Variants in SPIB observed in about 807,000 individuals in gnomAD.
The protein encoded by SPIB is Spi-B transcription factor, also known as transcription factor Spi-B.
In SPIB, 7 loss-of-function variants were observed where a neutral mutation model predicts 31.9. That is an observed-to-expected ratio of 0.22 (90% CI 0.12 to 0.41). The LOEUF is 0.41. SPIB is among the 10% of genes least tolerant of loss of function. SPIB has a pLI of 1.00. For synonymous variants in SPIB, 176 were observed against 158.9 expected (o/e 1.11, Z -0.81); for missense variants, 327 against 360.2 (o/e 0.91, Z 0.75).
Position 50,419,935 on chromosome 19 carries a change from T to C in SPIB, c.24-11T>C, listed in dbSNP as rs1186868554. 8 of 1,536,198 alleles carry C rather than the reference T, an allele frequency of 5.2e-6. No homozygotes were observed. Among genetic ancestry groups the C allele is most frequent in the Admixed American group, 4.4e-5 (2 of 45,938 alleles). On this transcript the variant is annotated splice_polypyrimidine_tract_variant and intron_variant, in intron 1 of 5. Transcript: ENST00000595883. ...CAGCCTCAGCATGCCCCTGTGTCTC[T>C]CCCCCTCCAGGCTCGACGGGCCACA... is the stretch of plus-strand genomic sequence containing the variant.
In SPIB at chr19:50,428,423, A is replaced by G; in HGVS notation, c.*87A>G. 1.5e-6 allele frequency: 2 copies of G among 1,372,582 alleles called. No homozygotes were observed. Among genetic ancestry groups the G allele is most frequent in the Admixed American group, 2.7e-5 (1 of 36,434 alleles). The allele number at this position is 1,372,582 out of a possible 1,614,324, so 85.0% of individuals were successfully genotyped here. On this transcript the variant is annotated 3_prime_UTR_variant, in exon 6 of 6. Transcript: ENST00000595883. This position sits in a 1 kb window ranked among gnomAD's most constrained non-coding sequence, Gnocchi z 6.5. The stretch of plus-strand genomic sequence containing the variant: ...CCTGGAAGAAAAAGGGCGTCCCCAC[A>G]CTCTAGGTGATAGGACTTACGCATC...
At chr19:50,420,784 T>C (rs892715613) in intron 2 of SPIB, among the ~76,000 whole-genome samples, 15 of 152,130 alleles carry the variant, frequency 9.9e-5, no homozygotes, top group Non-Finnish European at 1.5e-4. Context: ...TGTGCCACCA[T>C]GCCCAGCTAA....
At chr19:50,419,185 T>C (rs928910018) in intron 1 of SPIB, among the ~76,000 whole-genome samples, 200 bp downstream of exon 1, 8 of 152,124 alleles carry the variant, frequency 5.3e-5, no homozygotes, top group Admixed American at 4.6e-4. Context: ...TTCCTATCTT[T>C]CCTGGTCCCC....
intron 1 of SPIB, 186 bp from the exon 2 acceptor site, chr19:50,419,760 C>T: frequency 2.0e-6 from 1 of 505,798 alleles, no homozygotes; most frequent in East Asian, 3.5e-5. Flanking sequence ...TTTGCCTCCC[C>T]CCCACCCCCC....
intron 5 of SPIB, among the ~76,000 whole-genome samples, chr19:50,426,717 A>C (rs918434904): frequency 3.9e-4 from 59 of 151,404 alleles, no homozygotes; most frequent in African/African-American, 1.3e-3. Flanking sequence ...CTTGTCTCGA[A>C]CTCCTGACCT....
Position 50,430,831 on chromosome 19 carries a change from C to G in SPIB, c.*2495C>G. The G allele has an allele frequency of 6.6e-6, 1 of 152,228 alleles. No homozygotes were observed. The highest frequency in any genetic ancestry group is 1.9e-4 in the East Asian group (1 of 5,174). The allele number at this position is 152,228 out of a possible 1,614,324, so 9.4% of individuals were successfully genotyped here. On this transcript the variant is annotated 3_prime_UTR_variant, in exon 6 of 6. Transcript: ENST00000595883. Reference sequence around the variant, plus strand: ...CAGGAGGAGGAGGAGGAAGGAATGCCAATGACCTAGAGACACGAGAAGTCC... The same window carrying G: ...CAGGAGGAGGAGGAGGAAGGAATGCGAATGACCTAGAGACACGAGAAGTCC...
chr19:50,427,858 G>GCCC (rs1198149448), intron 5 of SPIB, among the ~76,000 whole-genome samples, 180 bp from the exon 6 acceptor site: 8 of 56,632 alleles, frequency 1.4e-4, no homozygotes, highest in African/African-American at 2.5e-4. Context: ...GGAGTGGCTT[G>GCCC]CCCCCCCCCC....
Position 50,428,198 on chromosome 19 carries a change from G to C in SPIB, c.651G>C (p.Gly217=). The part of the protein sequence containing the change: ...LLARRWGQQK[G]NRKRMTYQKL... ...CGCGCCGCTGGGGCCAGCAGAAGGG[G>C]AACCGCAAGCGCATGACCTACCAGA... is the stretch of plus-strand genomic sequence containing the variant. Residue 217 remains glycine, a synonymous_variant, in exon 6 of 6, where the codon GGG becomes GGC. Transcript: ENST00000595883. The surrounding 1 kb of genome is among the most constrained non-coding windows in gnomAD (Gnocchi z 6.5). 6.3e-7 allele frequency: 1 copy of C among 1,589,440 alleles called. No individual in the cohort carries two copies. The highest frequency in any genetic ancestry group is 1.1e-5 in the South Asian group (1 of 87,464).
Position 50,426,314 on chromosome 19 carries a change from C to T in SPIB, c.491-1724C>T, listed in dbSNP as rs1292928940. Among the ~76,000 whole-genome samples the T allele has an allele frequency of 2.0e-5, 3 of 152,050 alleles. No homozygotes were observed. In the East Asian group the frequency reaches 5.8e-4, roughly 29 times the overall value. ...GGGGTCACTGAGGCATCTGCACAGT[C>T]CATGCAGGGCCGTCAAGTAGGCTGT... On this transcript the variant is annotated intron_variant, in intron 5 of 5. Transcript: ENST00000595883.
At chr19:50,425,758 A>T (rs1318408786) in intron 5 of SPIB, among the ~76,000 whole-genome samples, 1 of 152,194 alleles carries the variant, frequency 6.6e-6, no homozygotes, top group Non-Finnish European at 1.5e-5. Flanking sequence ...AAATTATTTT[A>T]TGGCTTATAG....
chr19:50,419,018 T>G (rs2039446560), intron 1 of SPIB, 33 bp downstream of exon 1: 2 of 1,550,118 alleles, frequency 1.3e-6, no homozygotes, highest in South Asian at 1.2e-5. Context: ...GCACCCGGGG[T>G]CCCCACCTGC....
At position 50,423,010 on chromosome 19, in the gene SPIB, A is replaced by G. The variant is rs752065882; in HGVS notation, c.312A>G (p.Ala104=). 3 of 1,509,376 alleles carry G rather than the reference A, an allele frequency of 2.0e-6. No homozygotes were observed. The highest frequency in any genetic ancestry group is 2.7e-6 in the Non-Finnish European group (3 of 1,120,152). The allele number at this position is 1,509,376 out of a possible 1,614,324, so 93.5% of individuals were successfully genotyped here. A position where few individuals can be genotyped will look rare whatever the true frequency, so the allele number is the denominator to read the frequency against. ...SLEAPGPGLP[A]YPTENFASQT... Reference sequence around the variant, plus strand: ...AGGCCCCGGGGCCTGGCCTCCCTGCATACCCCACGGAGAACTTCGCTAGCC... The same window carrying G: ...AGGCCCCGGGGCCTGGCCTCCCTGCGTACCCCACGGAGAACTTCGCTAGCC... Residue 104 remains alanine (A), a synonymous_variant, in exon 4 of 6, where the codon GCA becomes GCG. Transcript: ENST00000595883.
At chr19:50,420,689 A>AGTGGAGT (rs2039483920) in intron 2 of SPIB, among the ~76,000 whole-genome samples, 3 of 152,202 alleles carry the variant, frequency 2.0e-5, no homozygotes, top group South Asian at 4.2e-4. Flanking sequence ...GTGCAGTGGC[A>AGTGGAGT]GCGTCTTGGC....
chr19:50,422,902 T>A lies in SPIB; in HGVS notation c.204T>A (p.Phe68Leu). 3 of 1,610,044 alleles carry A rather than the reference T, an allele frequency of 1.9e-6. No individual in the cohort carries two copies. The highest frequency in any genetic ancestry group is 2.5e-6 in the Non-Finnish European group (3 of 1,177,758). Reference protein sequence around the residue: ...YEAFDPAAAAFSHPQAAQLCY... With the variant: ...YEAFDPAAAALSHPQAAQLCY... Reference sequence around the variant, plus strand: ...CCTTCGACCCGGCAGCAGCCGCTTTTAGCCACCCCCAGGCTGCCCAGCTCT... The same window carrying A: ...CCTTCGACCCGGCAGCAGCCGCTTTAAGCCACCCCCAGGCTGCCCAGCTCT... The change falls in exon 4 of 6, where the codon TTT becomes TTA. Residue 68 changes from phenylalanine (F) to leucine (L), a missense_variant. This residue lies in a region of SPIB where 238 missense variants were observed against 228.8 expected (regional missense o/e 1.04). Transcript: ENST00000595883.
intron 5 of SPIB, among the ~76,000 whole-genome samples, chr19:50,425,956 C>A (rs2039560298): frequency 6.6e-6 from 1 of 152,104 alleles, no homozygotes; most frequent in South Asian, 2.1e-4. Context: ...TGCCTATAAT[C>A]CCAGCACTTT....
Position 50,422,820 on chromosome 19 carries a change from C to T in SPIB, c.125-3C>T. The T allele has an allele frequency of 2.6e-6, 4 of 1,548,940 alleles. No individual in the cohort carries two copies. Among genetic ancestry groups the T allele is most frequent in the Non-Finnish European group, 3.5e-6 (4 of 1,145,346 alleles). On this transcript the variant is annotated splice_region_variant and splice_polypyrimidine_tract_variant and intron_variant, in intron 3 of 5. Coordinates refer to ENST00000595883, the MANE Select transcript of SPIB (RefSeq NM_003121.5). The stretch of plus-strand genomic sequence containing the variant: ...AGCTTCTGACTCAGTGCCCTTCCCC[C>T]AGACTCCCTGTGGGACTGGACTGTG...
chr19:50,422,857 C>A lies in SPIB; in HGVS notation c.159C>A (p.Val53=). The A allele has an allele frequency of 6.2e-7, 1 of 1,602,542 alleles. No individual in the cohort carries two copies. The highest frequency in any genetic ancestry group is 8.5e-7 in the Non-Finnish European group (1 of 1,174,210). ...GGGACTGGACTGTGGCCCCACCTGT[C>A]CCAGCCACCCCCTATGAAGCCTTCG... ...SLWDWTVAPP[V]PATPYEAFDP... The change falls in exon 4 of 6, where the codon GTC becomes GTA. Residue 53 remains valine, a synonymous_variant. Transcript: ENST00000595883.
intron 5 of SPIB, among the ~76,000 whole-genome samples, chr19:50,424,016 A>G (rs2039534911): frequency 6.6e-6 from 1 of 152,062 alleles, no homozygotes; most frequent in Non-Finnish European, 1.5e-5. Context: ...GTAAGTGTAA[A>G]TGGGACAGCA....
chr19:50,424,018 G>A (rs1413021192), intron 5 of SPIB, among the ~76,000 whole-genome samples: 8 of 152,114 alleles, frequency 5.3e-5, no homozygotes, highest in Non-Finnish European at 1.0e-4. Flanking sequence ...AAGTGTAAAT[G>A]GGACAGCAGT....
Sources: allele counts gnomAD v4.1 joint callset (sites outside exome capture counted in the v4.1 genomes callset), GRCh38; gene constraint gnomAD v4.1.1; regional missense constraint gnomAD v4.1.1; non-coding constraint Gnocchi (gnomAD v3.1); transcripts MANE v1.5; gene names NCBI Gene and HGNC (gene_info 2026-07-23, HGNC 2026-07-21).